RBM20: variants seen among roughly 807,000 people sequenced by gnomAD.
RBM20 encodes the protein RNA-binding protein 20.
In RBM20, 51 loss-of-function variants were observed where a neutral mutation model predicts 110.1. The observed-to-expected ratio is 0.46, with a 90% CI of 0.37 to 0.59. The LOEUF (loss-of-function observed/expected upper bound fraction) is 0.59. RBM20 is among the 20% of genes least tolerant of loss of function. RBM20 has a pLI of 0.00. For missense variants in RBM20, 1,512 were observed against 1,574.9 expected, an observed-to-expected ratio of 0.96 and a Z score of 0.68; for synonymous variants, 589 against 618.2, an observed-to-expected ratio of 0.95 and a Z score of 0.70.
chr10:110,647,251 G>A (rs191718418), intron 1 of RBM20, among the ~76,000 whole-genome samples: 3 of 152,266 alleles, frequency 2.0e-5, no homozygotes, highest in Admixed American at 1.3e-4. Context: ...CACATGAAGC[G>A]TGATGACTAA....
intron 7 of RBM20, among the ~76,000 whole-genome samples, chr10:110,804,889 T>G (rs1360009412): frequency 6.6e-6 from 1 of 152,184 alleles, no homozygotes; most frequent in Non-Finnish European, 1.5e-5. Flanking sequence ...GCCCAGAGAT[T>G]CTCTTCAATA....
chr10:110,687,777 A>G lies in RBM20; in HGVS notation c.191+43132A>G, dbSNP rs115250599. Among the ~76,000 whole-genome samples, 740 of 152,322 alleles carry G rather than the reference A, an allele frequency of 4.9e-3. 6 individuals carry two copies. The highest frequency in any genetic ancestry group is 0.017 in the African/African-American group (717 of 41,566). On this transcript the variant is annotated intron_variant, in intron 1 of 13. Coordinates refer to ENST00000369519, the MANE Select transcript of RBM20 (RefSeq NM_001134363.3). ...TGAGAAAAGACTTCTTCCCATGTTA[A>G]CATGTTTTGACTTTACATCAATTGT... is the stretch of plus-strand genomic sequence containing the variant.
rs182513937 is a variant in RBM20 at position 110,732,189 on chromosome 10, C to T, written c.192-48612C>T. 2.5e-3 allele frequency among the ~76,000 whole-genome samples: 386 copies of T among 152,220 alleles called. 1 individual carries two copies. The highest frequency in any genetic ancestry group is 4.0e-3 in the Non-Finnish European group (275 of 68,014). On this transcript the variant is annotated intron_variant, in intron 1 of 13. Transcript: ENST00000369519. ...TTCAATATTCCCATGTTGCAGTTCT[C>T]GTTGGTTTATCTGTTTCATGGTCAT...
At chr10:110,816,240 T>C (rs1844836634) in intron 9 of RBM20, among the ~76,000 whole-genome samples, 1 of 151,162 alleles carries the variant, frequency 6.6e-6, no homozygotes. Context: ...CTGCACATGA[T>C]TTCAACACCC....
At chr10:110,784,495 G>A (rs1590677408) in intron 4 of RBM20, 63 bp downstream of exon 4, 6 of 1,206,384 alleles carry the variant, frequency 5.0e-6, no homozygotes, top group South Asian at 2.6e-5. Flanking sequence ...GGCACATTAT[G>A]TCCTGTCTTT....
intron 9 of RBM20, among the ~76,000 whole-genome samples, chr10:110,816,499 T>C (rs1387899652): frequency 6.7e-6 from 1 of 148,946 alleles, no homozygotes; most frequent in Non-Finnish European, 1.5e-5. Context: ...AACCCATTCC[T>C]CTCCCTCGCA....
chr10:110,672,801 G>A (rs1862282073), intron 1 of RBM20, among the ~76,000 whole-genome samples: 1 of 152,222 alleles, frequency 6.6e-6, no homozygotes. Context: ...TTAGTATAGA[G>A]CAGTAGAAAG....
At chr10:110,660,510 A>C (rs1862087596) in intron 1 of RBM20, among the ~76,000 whole-genome samples, 1 of 152,208 alleles carries the variant, frequency 6.6e-6, no homozygotes, top group Non-Finnish European at 1.5e-5. Flanking sequence ...GCGAAGCTTC[A>C]TCTGTATTTA....
rs114843244 is a variant in RBM20, at chr10:110,830,549, T to C, written c.3452-512T>C. ...AGGTTAATTATGTGGAAGAAAATAT[T>C]TGGATTGGAGTGACTCTGGGTGATT... On this transcript the variant is annotated intron_variant, in intron 12 of 13. Transcript: ENST00000369519. Among the ~76,000 whole-genome samples the C allele has an allele frequency of 9.9e-3, 1,510 of 152,236 alleles. 27 individuals are homozygous for C. The highest frequency in any genetic ancestry group is 0.035 in the African/African-American group (1,443 of 41,536).
Position 110,712,814 on chromosome 10 carries a change from T to C in RBM20, c.192-67987T>C, listed in dbSNP as rs913012489. 3.9e-5 allele frequency among the ~76,000 whole-genome samples: 6 copies of C among 152,324 alleles called. No individual in the cohort carries two copies. In the East Asian group the frequency reaches 1.2e-3, roughly 29 times the overall value. On this transcript the variant is annotated intron_variant, in intron 1 of 13. Transcript: ENST00000369519. The stretch of plus-strand genomic sequence containing the variant: ...GAGACCCCAATAATTACCTTTCAGT[T>C]ATGTCATGAGTGTGTACTTAATCAC...
chr10:110,674,943 C>A (rs1020852770), intron 1 of RBM20, among the ~76,000 whole-genome samples: 1 of 152,182 alleles, frequency 6.6e-6, no homozygotes, highest in Non-Finnish European at 1.5e-5. Context: ...AAGGAGCTTG[C>A]AACCAAGTTG....
intron 1 of RBM20, among the ~76,000 whole-genome samples, chr10:110,759,264 G>A (rs948389329): frequency 6.6e-6 from 1 of 152,096 alleles, no homozygotes; most frequent in Non-Finnish European, 1.5e-5. Flanking sequence ...GTGTCTCTTT[G>A]TATTCCACAT....
chr10:110,727,583 C>A (rs1257030048), intron 1 of RBM20, among the ~76,000 whole-genome samples: 2 of 152,096 alleles, frequency 1.3e-5, no homozygotes, highest in African/African-American at 4.8e-5. Context: ...GACCAAATCA[C>A]TTCCCTCTTG....
At chr10:110,816,499 T>G (rs1387899652) in intron 9 of RBM20, among the ~76,000 whole-genome samples, 1 of 148,946 alleles carries the variant, frequency 6.7e-6, no homozygotes, top group Non-Finnish European at 1.5e-5. Flanking sequence ...AACCCATTCC[T>G]CTCCCTCGCA....
chr10:110,750,992 C>T (rs1056070178), intron 1 of RBM20, among the ~76,000 whole-genome samples: 8 of 82,974 alleles, frequency 9.6e-5, no homozygotes, highest in Non-Finnish European at 2.0e-4. Context: ...TTCTCATCTG[C>T]GAAGTGGGGC....
intron 2 of RBM20, among the ~76,000 whole-genome samples, chr10:110,782,968 G>C (rs1564844790): frequency 6.6e-6 from 1 of 151,124 alleles, no homozygotes; most frequent in Non-Finnish European, 1.5e-5. Flanking sequence ...GGCTTTGTAA[G>C]TCACTGTGAG....
intron 1 of RBM20, among the ~76,000 whole-genome samples, chr10:110,697,949 C>T (rs1157579394): frequency 4.0e-5 from 6 of 151,300 alleles, no homozygotes; most frequent in African/African-American, 1.5e-4. Context: ...ACTCTGTCGC[C>T]CGGGCTGGAG....
In RBM20 at chr10:110,838,606, GAGA is replaced by G. The variant is rs1845163503; in HGVS notation, c.*2632_*2634del. The G allele has an allele frequency of 6.6e-6, 1 of 152,168 alleles. No homozygotes were observed. Among genetic ancestry groups the G allele is most frequent in the African/African-American group, 2.4e-5 (1 of 41,426 alleles). 9.4% of individuals were successfully genotyped at this position (152,168 alleles called of 1,614,324 possible). A position where few individuals can be genotyped will look rare whatever the true frequency, so the allele number is the denominator to read the frequency against. On this transcript the variant is annotated 3_prime_UTR_variant, in exon 14 of 14. Transcript: ENST00000369519. ...GACACTTTATCCCCTAGCAAAGTGG[GAGA>G]AGATTTTACCAGCTCATTCCACTCC...
rs1175696684 is a variant in RBM20, at chr10:110,821,233, C to T, written c.2656-42C>T. 11 of 1,517,934 alleles carry T rather than the reference C, an allele frequency of 7.2e-6. No homozygotes were observed. In the South Asian group the frequency reaches 1.2e-4, roughly 17 times the overall value. The allele number at this position is 1,517,934 out of a possible 1,614,324, so 94.0% of individuals were successfully genotyped here. On this transcript the variant is annotated intron_variant, in intron 10 of 13. Coordinates refer to ENST00000369519, the MANE Select transcript of RBM20 (RefSeq NM_001134363.3). ...AAGTCTTGTGCCTTCCAGTTGAATG[C>T]TCTCAACCACCCTCTGACCTCCATT...
Sources: allele counts gnomAD v4.1 joint callset (sites outside exome capture counted in the v4.1 genomes callset), GRCh38; gene constraint gnomAD v4.1.1; transcripts MANE v1.5; gene names NCBI Gene and HGNC (gene_info 2026-07-23, HGNC 2026-07-21).